Variants in VPS41 observed in about 807,000 individuals in gnomAD.
VPS41 encodes the protein vacuolar protein sorting-associated protein 41 homolog.
In VPS41, 85 loss-of-function variants were observed where a neutral mutation model predicts 130.9. That is an observed-to-expected ratio of 0.65 (90% CI 0.55 to 0.78). VPS41 has a LOEUF of 0.78. Among genes scored for constraint, VPS41 ranks in the 30% least tolerant of loss-of-function variants. VPS41 has a pLI of 0.00. For missense variants in VPS41, 874 were observed against 1,018.7 expected (o/e 0.86, Z 1.93); for synonymous variants, 335 against 332.9 (o/e 1.01, Z -0.07).
intron 7 of VPS41, among the ~76,000 whole-genome samples, chr7:38,815,597 G>A (rs1785031953): frequency 6.6e-6 from 1 of 152,158 alleles, no homozygotes; most frequent in Non-Finnish European, 1.5e-5. Context: ...GTCTGAGGGT[G>A]CTGCCCAAAG....
In VPS41 at chr7:38,754,752, T is replaced by C. The variant is rs1343463102; in HGVS notation, c.1738A>G (p.Ile580Val). The C allele has an allele frequency of 6.2e-7, 1 of 1,613,022 alleles. No homozygotes were observed. The highest frequency in any genetic ancestry group is 1.1e-5 in the South Asian group (1 of 91,014). The change falls in exon 21 of 29, where the codon ATT (isoleucine) becomes GTT (valine). Residue 580 changes from isoleucine to valine, a missense_variant and splice_region_variant. Physicochemically the swap from Ile to Val is conservative, Grantham distance 29. Transcript: ENST00000310301. Reference protein sequence around the residue: ...MLLDNEDKISIKKVVEELEDR... With the variant: ...MLLDNEDKISVKKVVEELEDR... ...TCCAATTCTTCCACTACCTTTTTAA[T>C]CTAGATAAAAAAGAAAAGTTTCAAG... is the stretch of plus-strand genomic sequence containing the variant.
At chr7:38,744,556 T>C (rs1047696917) in intron 23 of VPS41, among the ~76,000 whole-genome samples, 5 of 152,222 alleles carry the variant, frequency 3.3e-5, no homozygotes, top group African/African-American at 1.2e-4. Flanking sequence ...AGACTATATG[T>C]CCCTAATAAG....
chr7:38,908,528 T>C, intron 1 of VPS41, among the ~76,000 whole-genome samples: 1 of 152,174 alleles, frequency 6.6e-6, no homozygotes, highest in Non-Finnish European at 1.5e-5. Context: ...TATAAACTCC[T>C]CTCTCCATCT....
intron 9 of VPS41, among the ~76,000 whole-genome samples, chr7:38,790,897 A>G (rs1044506448): frequency 6.6e-6 from 1 of 152,222 alleles, no homozygotes; most frequent in Non-Finnish European, 1.5e-5. Context: ...ATAAAACTTT[A>G]GGACTTTTGT....
chr7:38,851,845 T>C (rs1020936811), intron 4 of VPS41, among the ~76,000 whole-genome samples: 4 of 152,214 alleles, frequency 2.6e-5, no homozygotes, highest in African/African-American at 9.6e-5. Context: ...ATTTTAGCCA[T>C]TCTAAAGGTA....
chr7:38,771,027 T>C (rs1466842345), intron 14 of VPS41, among the ~76,000 whole-genome samples, 171 bp downstream of exon 14: 1 of 152,184 alleles, frequency 6.6e-6, no homozygotes, highest in Non-Finnish European at 1.5e-5. Context: ...AGTCTCTTGT[T>C]TACAAGCAGA....
intron 2 of VPS41, among the ~76,000 whole-genome samples, chr7:38,876,681 G>A (rs555937962): frequency 4.3e-5 from 6 of 138,300 alleles, no homozygotes; most frequent in African/African-American, 9.7e-5. Flanking sequence ...TTGCTTTACC[G>A]TAACACACTA....
chr7:38,744,151 A>T (rs2240355), intron 23 of VPS41, among the ~76,000 whole-genome samples: 54,851 of 152,044 alleles, frequency 0.36, 10,464 homozygotes, highest in Admixed American at 0.56. Flanking sequence ...AGATGAAAGT[A>T]TTTATCAACC....
intron 2 of VPS41, among the ~76,000 whole-genome samples, chr7:38,877,360 C>T (rs1041129476): frequency 6.6e-6 from 1 of 151,888 alleles, no homozygotes; most frequent in Admixed American, 6.6e-5. Context: ...GCAGGGAGGT[C>T]GAGGCACCAA....
intron 22 of VPS41, among the ~76,000 whole-genome samples, chr7:38,749,482 T>C (rs1584373110): frequency 1.3e-5 from 2 of 152,324 alleles, no homozygotes; most frequent in Admixed American, 1.3e-4. Flanking sequence ...GTTCTGAATA[T>C]GCCTTTGAAA....
At chr7:38,828,649 T>C (rs1785326942) in intron 5 of VPS41, among the ~76,000 whole-genome samples, 1 of 152,172 alleles carries the variant, frequency 6.6e-6, no homozygotes. Flanking sequence ...TTACATGTAA[T>C]TATGTGTACT....
intron 4 of VPS41, among the ~76,000 whole-genome samples, chr7:38,850,407 A>AAG (rs1785828994): frequency 6.6e-6 from 1 of 152,220 alleles, no homozygotes; most frequent in African/African-American, 2.4e-5. Flanking sequence ...TGGATCTGTA[A>AAG]GAGTTCCTTA....
intron 3 of VPS41, among the ~76,000 whole-genome samples, chr7:38,866,929 A>G (rs1786242188): frequency 1.3e-5 from 2 of 152,200 alleles, no homozygotes; most frequent in Admixed American, 1.3e-4. Flanking sequence ...CAGCTGATGA[A>G]TGGATAGACA....
At chr7:38,784,610 G>C (rs1172902802) in intron 10 of VPS41, among the ~76,000 whole-genome samples, 1 of 149,824 alleles carries the variant, frequency 6.7e-6, no homozygotes, top group Non-Finnish European at 1.5e-5. Flanking sequence ...ACTAAAGCCT[G>C]GGCAAAGAGC....
At chr7:38,843,167 T>C in intron 4 of VPS41, among the ~76,000 whole-genome samples, 1 of 152,102 alleles carries the variant, frequency 6.6e-6, no homozygotes, top group Non-Finnish European at 1.5e-5. Context: ...CTCAATTAAG[T>C]TCAATGGAAA....
chr7:38,732,906 C>T (rs1282416602), intron 25 of VPS41, among the ~76,000 whole-genome samples: 1 of 152,182 alleles, frequency 6.6e-6, no homozygotes, highest in Non-Finnish European at 1.5e-5. Flanking sequence ...GAACTCACTG[C>T]AGCCTTGACC....
chr7:38,744,763 T>C (rs1338192817), intron 23 of VPS41, among the ~76,000 whole-genome samples: 1 of 152,196 alleles, frequency 6.6e-6, no homozygotes, highest in Non-Finnish European at 1.5e-5. Context: ...TGGACAGTTC[T>C]GGGTTTGTGG....
chr7:38,853,522 A>G (rs1003829511), intron 4 of VPS41, among the ~76,000 whole-genome samples: 1 of 151,950 alleles, frequency 6.6e-6, no homozygotes, highest in Non-Finnish European at 1.5e-5. Context: ...TTCACTTTCT[A>G]CAGGTTCCCT....
intron 10 of VPS41, among the ~76,000 whole-genome samples, chr7:38,778,199 T>C (rs943931542): frequency 2.6e-5 from 4 of 152,192 alleles, no homozygotes; most frequent in African/African-American, 9.6e-5. Context: ...AGGAACACAT[T>C]TTTTCCTTAA....
Sources: allele counts gnomAD v4.1 joint callset (sites outside exome capture counted in the v4.1 genomes callset), GRCh38; gene constraint gnomAD v4.1.1; transcripts MANE v1.5; gene names NCBI Gene and HGNC (gene_info 2026-07-23, HGNC 2026-07-21).